EFCAB6: variants seen among roughly 807,000 people sequenced by gnomAD.
The protein encoded by EFCAB6 is EF-hand calcium-binding domain-containing protein 6.
In EFCAB6, 156 loss-of-function variants were observed where a neutral mutation model predicts 169.8. That is an observed-to-expected ratio of 0.92 (90% confidence interval 0.81 to 1.05). The LOEUF (loss-of-function observed/expected upper bound fraction) is 1.05, where lower values mean the gene tolerates loss of function less well. EFCAB6 is among the 50% of genes least tolerant of loss of function. The pLI, the probability that EFCAB6 is intolerant of heterozygous loss-of-function variation, is 0.00. For missense variants in EFCAB6, 1,800 were observed against 1,829.1 expected, an observed-to-expected ratio of 0.98 and a Z score of 0.29; for synonymous variants, 698 against 676.4, an observed-to-expected ratio of 1.03 and a Z score of -0.50.
At chr22:43,686,622 CAG>C (rs1365908045) in intron 11 of EFCAB6, among the ~76,000 whole-genome samples, 2 of 152,150 alleles carry the variant, frequency 1.3e-5, no homozygotes, top group African/African-American at 4.8e-5. Context: ...AGCTCTGGAG[CAG>C]AGAGGGAGCG....
At chr22:43,647,867 A>G (rs1366344435) in intron 17 of EFCAB6, among the ~76,000 whole-genome samples, 1 of 152,176 alleles carries the variant, frequency 6.6e-6, no homozygotes, top group Non-Finnish European at 1.5e-5. Context: ...GCTGGGAGAA[A>G]CAATGCAGCG....
intron 23 of EFCAB6, among the ~76,000 whole-genome samples, chr22:43,599,509 C>CA (rs58130994): frequency 0.011 from 488 of 44,234 alleles, 147 homozygotes; most frequent in Non-Finnish European, 0.015. Flanking sequence ...GATTCCATCT[C>CA]AAAAAAAAAA....
chr22:43,725,384 A>G (rs1405674863), intron 8 of EFCAB6, among the ~76,000 whole-genome samples: 4 of 151,474 alleles, frequency 2.6e-5, no homozygotes, highest in Non-Finnish European at 4.4e-5. Context: ...CAGGTGATCC[A>G]CCCGCCTCGG....
At chr22:43,664,218 C>A (rs1290357578) in intron 17 of EFCAB6, among the ~76,000 whole-genome samples, 1 of 152,294 alleles carries the variant, frequency 6.6e-6, no homozygotes, top group Admixed American at 6.5e-5. Context: ...GGTGTAGGAA[C>A]CAGCTTCAAA....
chr22:43,782,749 T>A (rs1040101722), intron 2 of EFCAB6, among the ~76,000 whole-genome samples: 1 of 152,182 alleles, frequency 6.6e-6, no homozygotes, highest in African/African-American at 2.4e-5. Context: ...CCGAAAATCC[T>A]CTCCTTCATT....
intron 13 of EFCAB6, among the ~76,000 whole-genome samples, chr22:43,675,594 CTA>C (rs1197391556): frequency 7.0e-6 from 1 of 142,510 alleles, no homozygotes; most frequent in Non-Finnish European, 1.5e-5. Context: ...GATAATTATA[CTA>C]TATATCTGAT....
intron 25 of EFCAB6, among the ~76,000 whole-genome samples, chr22:43,577,416 A>G (rs1247114283): frequency 1.3e-5 from 2 of 152,212 alleles, no homozygotes; most frequent in Non-Finnish European, 2.9e-5. Flanking sequence ...ATTAACCTTA[A>G]AACATCAGAT....
In EFCAB6 at chr22:43,685,689, C is replaced by G. The variant is rs529855024; in HGVS notation, c.1142+1782G>C. On this transcript the variant is annotated intron_variant, in intron 11 of 31. Coordinates refer to ENST00000262726, the MANE Select transcript of EFCAB6 (RefSeq NM_022785.4). The stretch of plus-strand genomic sequence containing the variant: ...TGATCTTGCAAAAGACTTAGGTTAT[C>G]TGTCACGGTATTCTGAATGACTGCA... 2.0e-5 allele frequency among the ~76,000 whole-genome samples: 3 copies of G among 152,324 alleles called. No homozygotes were observed. In the East Asian group the frequency reaches 5.8e-4, roughly 29 times the overall value.
chr22:43,640,839 G>A (rs1011146255), intron 17 of EFCAB6, among the ~76,000 whole-genome samples: 1 of 152,086 alleles, frequency 6.6e-6, no homozygotes, highest in Admixed American at 6.5e-5. Flanking sequence ...GGGAAGGCTG[G>A]TCCAGTAGAA....
At chr22:43,679,637 T>C (rs1237700043) in intron 12 of EFCAB6, among the ~76,000 whole-genome samples, 1 of 152,202 alleles carries the variant, frequency 6.6e-6, no homozygotes, top group Non-Finnish European at 1.5e-5. Flanking sequence ...CATATCCTTG[T>C]CAACACTTAT....
intron 6 of EFCAB6, among the ~76,000 whole-genome samples, chr22:43,747,352 C>A (rs66718526): frequency 6.6e-6 from 1 of 152,064 alleles, no homozygotes; most frequent in African/African-American, 2.4e-5. Flanking sequence ...ACTATGCTAA[C>A]GTACATTGTG....
At chr22:43,559,851 G>A (rs2048922240) in intron 26 of EFCAB6, among the ~76,000 whole-genome samples, 4 of 152,104 alleles carry the variant, frequency 2.6e-5, no homozygotes, top group Non-Finnish European at 5.9e-5. Context: ...ATCACACACT[G>A]GGGCCTATTG....
At chr22:43,596,529 T>C (rs1249928985) in intron 23 of EFCAB6, among the ~76,000 whole-genome samples, 1 of 151,754 alleles carries the variant, frequency 6.6e-6, no homozygotes, top group Non-Finnish European at 1.5e-5. Flanking sequence ...TACCTAAAAA[T>C]CAGCTGAACC....
intron 7 of EFCAB6, among the ~76,000 whole-genome samples, chr22:43,735,146 G>C (rs1182511762): frequency 6.6e-6 from 1 of 152,168 alleles, no homozygotes; most frequent in African/African-American, 2.4e-5. Context: ...TGTAGTCACA[G>C]AAGCCAAACA....
At position 43,600,125 on chromosome 22, in the gene EFCAB6, C is replaced by T; in HGVS notation, c.2820G>A (p.Gln940=). The change falls in exon 23 of 32, where the codon CAG becomes CAA. Residue 940 remains glutamine (Q), a synonymous_variant. Coordinates refer to ENST00000262726, the MANE Select transcript of EFCAB6 (RefSeq NM_022785.4). ...GCAGCTCCTTCATCTCTTCCTGTAG[C>T]TGCTGTGGCTTTGTAAAATGACCCA... The part of the protein sequence containing the change: ...NFMGHFTKPQ[Q]LQEEMKELQQ... The T allele has an allele frequency of 1.2e-6, 2 of 1,614,184 alleles. No homozygotes were observed. The highest frequency in any genetic ancestry group is 1.7e-6 in the Non-Finnish European group (2 of 1,180,032).
Position 43,635,825 on chromosome 22 carries a change from C to T in EFCAB6, c.1984-609G>A, listed in dbSNP as rs182269626. Among the ~76,000 whole-genome samples the T allele has an allele frequency of 1.7e-3, 259 of 152,266 alleles. 1 individual carries two copies. The highest frequency in any genetic ancestry group is 0.013 in the South Asian group (61 of 4,818). On this transcript the variant is annotated intron_variant, in intron 17 of 31. Transcript: ENST00000262726. ...GGGTATGTTGGGGGCAGAGGGAGCA[C>T]CCAAGAAAACACTCTTCCCTGCCTT...
intron 4 of EFCAB6, among the ~76,000 whole-genome samples, chr22:43,769,845 A>G (rs2061415697): frequency 1.4e-5 from 2 of 147,556 alleles, no homozygotes; most frequent in African/African-American, 5.0e-5. Flanking sequence ...ACCTGGGCTC[A>G]AGGTGAGCTA....
chr22:43,770,087 C>A (rs1230240514), intron 4 of EFCAB6, among the ~76,000 whole-genome samples: 1 of 152,120 alleles, frequency 6.6e-6, no homozygotes, highest in East Asian at 1.9e-4. Context: ...GAACTCCAGA[C>A]CTCAGGTGAT....
chr22:43,701,503 C>T (rs1246226856), intron 10 of EFCAB6, among the ~76,000 whole-genome samples: 2 of 151,854 alleles, frequency 1.3e-5, no homozygotes, highest in Non-Finnish European at 2.9e-5. Flanking sequence ...TAGAAATGCC[C>T]ATGTACAACA....
Sources: gnomAD v4.1 joint callset for allele counts (sites outside exome capture counted in the v4.1 genomes callset) on GRCh38, gnomAD v4.1.1 for gene constraint, MANE v1.5 for transcripts, NCBI Gene and HGNC (gene_info 2026-07-23, HGNC 2026-07-21) for gene names.